The following ALX1 variants were observed in gnomAD, a reference collection of about 807,000 sequenced individuals.
ALX1 encodes the protein ALX homeobox 1, also known as ALX homeobox protein 1.
In ALX1, 19 loss-of-function variants were observed where a neutral mutation model predicts 31.7. That is an observed-to-expected ratio of 0.60 (90% CI 0.42 to 0.88). The LOEUF (loss-of-function observed/expected upper bound fraction) is 0.88. Ranked by LOEUF, ALX1 falls within the 40% of genes least tolerant of loss-of-function variation. The pLI is 0.00. For missense variants in ALX1, 415 were observed against 407.8 expected (o/e 1.02, Z -0.15); for synonymous variants, 153 against 148.8 (o/e 1.03, Z -0.20).
At chr12:85,296,635 A>AT (rs1896891109) in intron 3 of ALX1, among the ~76,000 whole-genome samples, 1 of 151,652 alleles carries the variant, frequency 6.6e-6, no homozygotes, top group African/African-American at 2.4e-5. Flanking sequence ...TTAAAAAAAA[A>AT]GTTTCAGAGA....
intron 3 of ALX1, among the ~76,000 whole-genome samples, chr12:85,289,693 T>C (rs1423007031): frequency 6.6e-6 from 1 of 151,206 alleles, no homozygotes; most frequent in East Asian, 1.9e-4. Context: ...AATGTTTGGT[T>C]ACCAAAATTT....
chr12:85,284,276 A>C (rs1238389934), intron 2 of ALX1, among the ~76,000 whole-genome samples: 1 of 149,046 alleles, frequency 6.7e-6, no homozygotes, highest in African/African-American at 2.5e-5. Context: ...ATTATATATC[A>C]GGTATTTGTA....
chr12:85,286,823 C>A, intron 2 of ALX1, 30 bp from the exon 3 acceptor site: 1 of 1,527,508 alleles, frequency 6.5e-7, no homozygotes, highest in Non-Finnish European at 8.9e-7. Flanking sequence ...TATTCCTTAG[C>A]TAAAATTCTA....
chr12:85,283,566 G>T lies in ALX1; in HGVS notation c.227-6G>T. The T allele has an allele frequency of 2.5e-6, 4 of 1,613,844 alleles. No homozygotes were observed. Among genetic ancestry groups the T allele is most frequent in the African/African-American group, 1.3e-5 (1 of 74,968 alleles). On this transcript the variant is annotated splice_region_variant and splice_polypyrimidine_tract_variant and intron_variant, in intron 1 of 3. Coordinates refer to ENST00000316824, the MANE Select transcript of ALX1 (RefSeq NM_006982.3). The stretch of plus-strand genomic sequence containing the variant: ...AGAACTGTTGTTTTTCCTCCTCTGG[G>T]TACAGTGAACTATGGGATCACTAAA...
chr12:85,288,545 G>C (rs1593049578), intron 3 of ALX1, among the ~76,000 whole-genome samples: 3 of 151,344 alleles, frequency 2.0e-5, no homozygotes, highest in African/African-American at 7.3e-5. Context: ...TCCCCTCTAG[G>C]CTGCAAGCTC....
At chr12:85,280,583 A>G in intron 1 of ALX1, 96 bp downstream of exon 1, 1 of 1,332,548 alleles carries the variant, frequency 7.5e-7, no homozygotes, top group Non-Finnish European at 1.0e-6. Context: ...AAAGGAGAAA[A>G]GTGGGAGCGA....
chr12:85,301,406 G>GTT lies in ALX1; in HGVS notation c.913_914insTT (p.Ser305PhefsTer10), dbSNP rs1272825985. ...AAACAAAGCCAGAGTTTGAAAGGAG[G>GTT]TCTTCCAGTATCGCAGTTCTTCGAA... On this transcript the variant is annotated frameshift_variant, in exon 4 of 4. Coordinates refer to ENST00000316824, the MANE Select transcript of ALX1 (RefSeq NM_006982.3). LOFTEE classifies it high-confidence loss of function. 1 of 1,613,946 alleles carries GTT rather than the reference G, an allele frequency of 6.2e-7. No individual in the cohort carries two copies. Among genetic ancestry groups the GTT allele is most frequent in the African/African-American group, 1.3e-5 (1 of 74,900 alleles).
chr12:85,286,931 G>T lies in ALX1; in HGVS notation c.610G>T (p.Ala204Ser). 1.2e-6 allele frequency: 2 copies of T among 1,612,282 alleles called. No homozygotes were observed. The highest frequency in any genetic ancestry group is 1.7e-6 in the Non-Finnish European group (2 of 1,178,688). ...AATACAACAAGCGAAAAGCCATTTTGCTGCCACCTATGATATATCAGTTTT... is the reference window on the plus strand; with the variant it reads ...AATACAACAAGCGAAAAGCCATTTTTCTGCCACCTATGATATATCAGTTTT... The part of the protein sequence containing the change: ...GQIQQAKSHF[A>S]ATYDISVLPR... Residue 204 changes from alanine (A) to serine (S), a missense_variant, in exon 3 of 4, where the codon GCT becomes TCT. By Grantham distance (99) the Ala-to-Ser change is moderately conservative. Around this residue, in one of 3 missense-constraint regions of ALX1, gnomAD observed 174 missense variants for 177.5 expected, o/e 0.98. Coordinates refer to ENST00000316824, the MANE Select transcript of ALX1 (RefSeq NM_006982.3).
chr12:85,289,299 A>G (rs940211319), intron 3 of ALX1, among the ~76,000 whole-genome samples: 3 of 151,180 alleles, frequency 2.0e-5, no homozygotes, highest in African/African-American at 7.3e-5. Flanking sequence ...AATGCTCAAT[A>G]TGACTCAGTG....
chr12:85,287,034 A>G (rs1896758078), intron 3 of ALX1, 53 bp downstream of exon 3: 1 of 1,597,120 alleles, frequency 6.3e-7, no homozygotes. Flanking sequence ...TGGTTTGTAT[A>G]TTCTTAAAAT....
In ALX1 at chr12:85,280,667, TG is replaced by T. The variant is rs575861059; in HGVS notation, c.226+185del. On this transcript the variant is annotated intron_variant, in intron 1 of 3. Transcript: ENST00000316824. ...GCGGTGTTACTGCTGCTGCAGCCTT[TG>T]GGGGCGGAGGGCGGAGGGAGGGAGA... Among the ~76,000 whole-genome samples, 112 of 152,158 alleles carry T rather than the reference TG, an allele frequency of 7.4e-4. 1 individual carries two copies. The South Asian group carries it at 9.3e-3, about 13-fold the overall frequency.
chr12:85,287,190 T>G (rs1896759676), intron 3 of ALX1, among the ~76,000 whole-genome samples: 1 of 151,854 alleles, frequency 6.6e-6, no homozygotes, highest in Admixed American at 6.6e-5. Context: ...TTAAAAATAT[T>G]TCAGGGTATT....
intron 3 of ALX1, among the ~76,000 whole-genome samples, chr12:85,288,407 C>G (rs962794793): frequency 2.6e-5 from 4 of 151,548 alleles, no homozygotes; most frequent in Non-Finnish European, 5.9e-5. Context: ...GAGGCTACCT[C>G]TGGTGGTTAC....
At chr12:85,294,873 G>C (rs1004138228) in intron 3 of ALX1, among the ~76,000 whole-genome samples, 1 of 150,896 alleles carries the variant, frequency 6.6e-6, no homozygotes, top group South Asian at 2.1e-4. Context: ...AAAAGTGACA[G>C]TATTTAGTAT....
chr12:85,296,754 A>T (rs1430781184), intron 3 of ALX1, among the ~76,000 whole-genome samples: 1 of 151,720 alleles, frequency 6.6e-6, no homozygotes, highest in African/African-American at 2.4e-5. Flanking sequence ...AAACACACAT[A>T]CAAGAAGGGT....
chr12:85,286,986 GC>G lies in ALX1; in HGVS notation c.660+6del. 6.2e-7 allele frequency: 1 copy of G among 1,611,766 alleles called. No homozygotes were observed. The highest frequency in any genetic ancestry group is 8.5e-7 in the Non-Finnish European group (1 of 1,178,274). ...AGGACTGACAGCTACCCACAGGTAT[GC>G]TAAACTACACAGAATACTGATCAAG... On this transcript the variant is annotated splice_donor_region_variant and intron_variant, in intron 3 of 3. Coordinates refer to ENST00000316824, the MANE Select transcript of ALX1 (RefSeq NM_006982.3).
Position 85,280,496 on chromosome 12 carries a change from C to G in ALX1, c.226+9C>G, listed in dbSNP as rs1422193822. The G allele has an allele frequency of 2.5e-6, 4 of 1,609,008 alleles. No homozygotes were observed. The South Asian group carries it at 4.4e-5, about 18-fold the overall frequency. Reference sequence around the variant, plus strand: ...CTGTCAGGACAGCAGCGGTGAGTCGCTAGCGCCCCAGCCGGAGCCGCCGCA... The same window carrying G: ...CTGTCAGGACAGCAGCGGTGAGTCGGTAGCGCCCCAGCCGGAGCCGCCGCA... On this transcript the variant is annotated intron_variant, in intron 1 of 3. Transcript: ENST00000316824.
At chr12:85,285,035 T>C (rs748329569) in intron 2 of ALX1, among the ~76,000 whole-genome samples, 7 of 152,112 alleles carry the variant, frequency 4.6e-5, no homozygotes, top group Non-Finnish European at 8.8e-5. Context: ...GAAGTAAATA[T>C]GTAGAAAGTT....
chr12:85,287,628 A>G (rs1896766139), intron 3 of ALX1, among the ~76,000 whole-genome samples: 1 of 151,452 alleles, frequency 6.6e-6, no homozygotes, highest in African/African-American at 2.4e-5. Flanking sequence ...AAAGTGTTAG[A>G]AATTCTTTTT....
Sources: allele counts gnomAD v4.1 joint callset (sites outside exome capture counted in the v4.1 genomes callset), GRCh38; gene constraint gnomAD v4.1.1; regional missense constraint gnomAD v4.1.1; transcripts MANE v1.5; gene names NCBI Gene and HGNC (gene_info 2026-07-23, HGNC 2026-07-21).